The following CARS1 variants were observed in gnomAD, a reference collection of about 807,000 sequenced individuals.
The protein encoded by CARS1 is cysteinyl-tRNA synthetase 1.
Under a neutral mutation model 106.2 loss-of-function variants are expected in CARS1, and 48 were observed. That is an observed-to-expected ratio of 0.45 (90% CI 0.36 to 0.57). CARS1 has a LOEUF of 0.57. Ranked by LOEUF, CARS1 falls within the 20% of genes least tolerant of loss-of-function variation. The pLI, the probability that CARS1 is intolerant of heterozygous loss-of-function variation, is 0.00. For missense variants in CARS1, 968 were observed against 1,057.2 expected, an observed-to-expected ratio of 0.92 and a Z score of 1.17; for synonymous variants, 409 against 403.4, an observed-to-expected ratio of 1.01 and a Z score of -0.17.
Position 3,029,332 on chromosome 11 carries a change from C to A in CARS1, c.913G>T (p.Asp305Tyr). ...AGAGCTTCCATGTCTCTGTGGAAGT[C>A]CCCCTCCCAGAACTTGGGCAGCTTG... ...FSKLPKFWEG[D>Y]FHRDMEALNV... Residue 305 changes from aspartate to tyrosine, a missense_variant, in exon 8 of 23, where the codon GAC (aspartate) becomes TAC (tyrosine). Physicochemically the swap from Asp to Tyr is radical, Grantham distance 160. Coordinates refer to ENST00000380525, the MANE Select transcript of CARS1 (RefSeq NM_001014437.3). This position sits in a 1 kb window ranked among gnomAD's most constrained non-coding sequence, Gnocchi z 5.9. 1 of 1,613,980 alleles carries A rather than the reference C, an allele frequency of 6.2e-7. No homozygotes were observed. The highest frequency in any genetic ancestry group is 2.2e-5 in the East Asian group (1 of 44,886).
intron 2 of CARS1, among the ~76,000 whole-genome samples, chr11:3,047,231 C>G (rs1166932229): frequency 6.8e-6 from 1 of 146,640 alleles, no homozygotes; most frequent in African/African-American, 2.6e-5. Context: ...GAGTGGAGAT[C>G]GCACCACTGC....
Position 3,020,096 on chromosome 11 carries a change from C to T in CARS1, c.1266+124G>A, listed in dbSNP as rs1206930057. 1.2e-5 allele frequency: 8 copies of T among 693,008 alleles called. No individual in the cohort carries two copies. The highest frequency in any genetic ancestry group is 1.8e-5 in the Non-Finnish European group (7 of 384,896). The allele number at this position is 693,008 out of a possible 1,614,324, so 42.9% of individuals were successfully genotyped here. On this transcript the variant is annotated intron_variant, in intron 11 of 22. Transcript: ENST00000380525. The surrounding 1 kb of genome is among the most constrained non-coding windows in gnomAD (Gnocchi z 4.6). Reference sequence around the variant, plus strand: ...GGCCAGGCAGCCTGTGCTGCACCAGCACCAGGCTCTGGCCCAGTGACAACA... The same window carrying T: ...GGCCAGGCAGCCTGTGCTGCACCAGTACCAGGCTCTGGCCCAGTGACAACA...
Position 3,028,141 on chromosome 11 carries a change from T to G in CARS1, c.1031+855A>C. 3.3e-6 allele frequency: 1 copy of G among 306,392 alleles called. No homozygotes were observed. Among genetic ancestry groups the G allele is most frequent in the Non-Finnish European group, 6.4e-6 (1 of 156,566 alleles). The allele number at this position is 306,392 out of a possible 1,614,324, so 19.0% of individuals were successfully genotyped here. The stretch of plus-strand genomic sequence containing the variant: ...ATGGCGTAAGCTGCCTCTCTCTGTC[T>G]CCTCTCTCTCTCTGCCTTGGCTGCC... On this transcript the variant is annotated intron_variant, in intron 9 of 22. Coordinates refer to ENST00000380525, the MANE Select transcript of CARS1 (RefSeq NM_001014437.3). This position sits in a 1 kb window ranked among gnomAD's most constrained non-coding sequence, Gnocchi z 4.4.
rs1851605680 is a variant in CARS1 at position 3,021,937 on chromosome 11, A to G, written c.1154-1605T>C. 6.6e-6 allele frequency among the ~76,000 whole-genome samples: 1 copy of G among 152,228 alleles called. No individual in the cohort carries two copies. The highest frequency in any genetic ancestry group is 6.5e-5 in the Admixed American group (1 of 15,290). On this transcript the variant is annotated intron_variant, in intron 10 of 22. Coordinates refer to ENST00000380525, the MANE Select transcript of CARS1 (RefSeq NM_001014437.3). This position sits in a 1 kb window ranked among gnomAD's most constrained non-coding sequence, Gnocchi z 5.3. ...TTTCATTATTATGAACTTACTCATG[A>G]AAGTTTATATCTGATTTTTTAAAAA...
Position 3,017,561 on chromosome 11 carries a change from C to G in CARS1, c.1728-266G>C. On this transcript the variant is annotated intron_variant, in intron 15 of 22. Coordinates refer to ENST00000380525, the MANE Select transcript of CARS1 (RefSeq NM_001014437.3). This position sits in a 1 kb window ranked among gnomAD's most constrained non-coding sequence, Gnocchi z 4.9. ...GGGAGGCTGAGGCAGGAGAATCGCT[C>G]GAACCCGGGAGGTGGAGGTTGTGGT... 1 of 551,008 alleles carries G rather than the reference C, an allele frequency of 1.8e-6. No individual in the cohort carries two copies. The highest frequency in any genetic ancestry group is 3.2e-6 in the Non-Finnish European group (1 of 310,608). 34.1% of individuals were successfully genotyped at this position (551,008 alleles called of 1,614,324 possible).
rs1022505071 is a variant in CARS1, at chr11:3,044,104, C to A, written c.275-1848G>T. 1.3e-5 allele frequency among the ~76,000 whole-genome samples: 2 copies of A among 152,306 alleles called. No homozygotes were observed. The highest frequency in any genetic ancestry group is 1.9e-4 in the East Asian group (1 of 5,172). On this transcript the variant is annotated intron_variant, in intron 2 of 22. Transcript: ENST00000380525. The surrounding 1 kb of genome is among the most constrained non-coding windows in gnomAD (Gnocchi z 4.4). ...AGGATCCCATCACTCTCCTCCCTCA[C>A]AAAGACCCTGGAGCTCCTTCAATAG...
At position 3,048,137 on chromosome 11, in the gene CARS1, G is replaced by T. The variant is rs770311785; in HGVS notation, c.26-136C>A. ...CCCTTCCCTGGACGCCAAACATCCA[G>T]AACAGGCAAAGGCACAGGGGCAGCG... is the stretch of plus-strand genomic sequence containing the variant. On this transcript the variant is annotated intron_variant, in intron 1 of 22. Coordinates refer to ENST00000380525, the MANE Select transcript of CARS1 (RefSeq NM_001014437.3). The surrounding 1 kb of genome is among the most constrained non-coding windows in gnomAD (Gnocchi z 5.1). The T allele has an allele frequency of 9.1e-7, 1 of 1,102,078 alleles. No homozygotes were observed. Among genetic ancestry groups the T allele is most frequent in the Non-Finnish European group, 1.3e-6 (1 of 788,132 alleles). The allele number at this position is 1,102,078 out of a possible 1,614,324, so 68.3% of individuals were successfully genotyped here.
intron 18 of CARS1, 110 bp downstream of exon 18, chr11:3,012,085 C>A: frequency 9.8e-7 from 1 of 1,021,980 alleles, no homozygotes; most frequent in South Asian, 1.3e-5. Context: ...GGGCAGCCTT[C>A]CCAGAGGATG....
rs538977649 is a variant in CARS1, at chr11:3,029,446, G to A, written c.802-3C>T. On this transcript the variant is annotated splice_polypyrimidine_tract_variant and splice_region_variant and intron_variant, in intron 7 of 22. Transcript: ENST00000380525. The surrounding 1 kb of genome is among the most constrained non-coding windows in gnomAD (Gnocchi z 5.9). ...TCCTTGGCTTCTTCCAGCAACACCT[G>A]AAGAGAAAGAAACAAAAATCCAGCA... 7 of 1,613,256 alleles carry A rather than the reference G, an allele frequency of 4.3e-6. No homozygotes were observed. The East Asian group carries it at 6.7e-5, about 15-fold the overall frequency.
chr11:3,023,448 G>A (rs924880335), intron 10 of CARS1, among the ~76,000 whole-genome samples: 1 of 152,186 alleles, frequency 6.6e-6, no homozygotes, highest in Non-Finnish European at 1.5e-5. Context: ...AGGCTGGAGT[G>A]CAACGGTGTA....
rs749442562 is a variant in CARS1, at chr11:3,029,342, G to A, written c.903C>T (p.Phe301=). 6.2e-7 allele frequency: 1 copy of A among 1,614,034 alleles called. No individual in the cohort carries two copies. Among genetic ancestry groups the A allele is most frequent in the East Asian group, 2.2e-5 (1 of 44,876 alleles). Residue 301 remains phenylalanine (F), a synonymous_variant, in exon 8 of 23, where the codon TTC becomes TTT. Coordinates refer to ENST00000380525, the MANE Select transcript of CARS1 (RefSeq NM_001014437.3). The surrounding 1 kb of genome is among the most constrained non-coding windows in gnomAD (Gnocchi z 5.9). The part of the protein sequence containing the change: ...DNSIFSKLPK[F]WEGDFHRDME... ...TGTCTCTGTGGAAGTCCCCCTCCCA[G>A]AACTTGGGCAGCTTGGAGAAGATGG...
Position 3,028,357 on chromosome 11 carries a change from C to A in CARS1, c.1031+639G>T. On this transcript the variant is annotated intron_variant, in intron 9 of 22. Transcript: ENST00000380525. The surrounding 1 kb of genome is among the most constrained non-coding windows in gnomAD (Gnocchi z 4.4). ...GGTCCCCCGGGCCCAGCTGTCTTCT[C>A]TTTTATCTCTTTGTCTTGTGTCTTT... 1 of 445,034 alleles carries A rather than the reference C, an allele frequency of 2.2e-6. No individual in the cohort carries two copies. The highest frequency in any genetic ancestry group is 2.5e-5 in the South Asian group (1 of 39,680). The allele number at this position is 445,034 out of a possible 1,614,324, so 27.6% of individuals were successfully genotyped here.
In CARS1 at chr11:3,004,936, T is replaced by A. The variant is rs1248452244; in HGVS notation, c.2217+430A>T. On this transcript the variant is annotated intron_variant, in intron 20 of 22. Coordinates refer to ENST00000380525, the MANE Select transcript of CARS1 (RefSeq NM_001014437.3). The surrounding 1 kb of genome is among the most constrained non-coding windows in gnomAD (Gnocchi z 5.2). ...GCCTGACCAACATGGTGAAACCCCATCTCTACTAAAAAAATACAAAAATTA... is the reference window on the plus strand; with the variant it reads ...GCCTGACCAACATGGTGAAACCCCAACTCTACTAAAAAAATACAAAAATTA... Among the ~76,000 whole-genome samples, 1 of 151,912 alleles carries A rather than the reference T, an allele frequency of 6.6e-6. No homozygotes were observed. The highest frequency in any genetic ancestry group is 1.5e-5 in the Non-Finnish European group (1 of 67,968).
chr11:3,019,085 G>T lies in CARS1; in HGVS notation c.1395+54C>A. On this transcript the variant is annotated intron_variant, in intron 12 of 22. Coordinates refer to ENST00000380525, the MANE Select transcript of CARS1 (RefSeq NM_001014437.3). This position sits in a 1 kb window ranked among gnomAD's most constrained non-coding sequence, Gnocchi z 6.2. ...GGCCTGGGCTGACTTTTCCTCCACTGCAGTATGAACACTGTGCTCTTGCAC... is the reference window on the plus strand; with the variant it reads ...GGCCTGGGCTGACTTTTCCTCCACTTCAGTATGAACACTGTGCTCTTGCAC... 6.7e-7 allele frequency: 1 copy of T among 1,491,928 alleles called. No homozygotes were observed. The highest frequency in any genetic ancestry group is 8.9e-7 in the Non-Finnish European group (1 of 1,120,936). The allele number at this position is 1,491,928 out of a possible 1,614,324, so 92.4% of individuals were successfully genotyped here.
Position 3,047,933 on chromosome 11 carries a change from G to C in CARS1, c.94C>G (p.Leu32Val). 6.2e-7 allele frequency: 1 copy of C among 1,614,148 alleles called. No individual in the cohort carries two copies. The highest frequency in any genetic ancestry group is 8.5e-7 in the Non-Finnish European group (1 of 1,180,026). ...AARAQALNEH[L>V]STRSYVQGYS... Reference sequence around the variant, plus strand: ...CCCTGGACATAGCTACGCGTGCTGAGGTGCTCGTTCAGGGCTTGTGCCCTG... The same window carrying C: ...CCCTGGACATAGCTACGCGTGCTGACGTGCTCGTTCAGGGCTTGTGCCCTG... Residue 32 changes from leucine (L) to valine (V), a missense_variant, in exon 2 of 23, where the codon CTC (leucine) becomes GTC (valine). Coordinates refer to ENST00000380525, the MANE Select transcript of CARS1 (RefSeq NM_001014437.3).
intron 10 of CARS1, among the ~76,000 whole-genome samples, chr11:3,024,237 C>T (rs1851838064): frequency 6.6e-6 from 1 of 152,122 alleles, no homozygotes; most frequent in Non-Finnish European, 1.5e-5. Context: ...CATTTAAAAA[C>T]ATCAGTTTCC....
chr11:3,001,136 G>T lies in CARS1; in HGVS notation c.2474C>A (p.Ala825Asp). ...EKLYKEYLQM[A>D]QNGSFQ Reference sequence around the variant, plus strand: ...CCCTCACTGGAAGCTTCCATTCTGGGCCATCTGCAGATATTCCTTGTAGAG... The same window carrying T: ...CCCTCACTGGAAGCTTCCATTCTGGTCCATCTGCAGATATTCCTTGTAGAG... Residue 825 changes from alanine to aspartate, a missense_variant, in exon 23 of 23, where the codon GCC (alanine) becomes GAC (aspartate). Coordinates refer to ENST00000380525, the MANE Select transcript of CARS1 (RefSeq NM_001014437.3). The T allele has an allele frequency of 3.1e-6, 5 of 1,613,966 alleles. No individual in the cohort carries two copies. Among genetic ancestry groups the T allele is most frequent in the Non-Finnish European group, 4.2e-6 (5 of 1,180,006 alleles).
rs980260415 is a variant in CARS1 at position 3,021,788 on chromosome 11, T to G, written c.1154-1456A>C. Among the ~76,000 whole-genome samples the G allele has an allele frequency of 2.6e-5, 4 of 152,228 alleles. No individual in the cohort carries two copies. The East Asian group carries it at 7.7e-4, about 29-fold the overall frequency. On this transcript the variant is annotated intron_variant, in intron 10 of 22. Transcript: ENST00000380525. This position sits in a 1 kb window ranked among gnomAD's most constrained non-coding sequence, Gnocchi z 5.3. The stretch of plus-strand genomic sequence containing the variant: ...CCACCAACACGGAAGGCCGCTGTCC[T>G]GGCTTCCTTCTACCTCCGCACTGTT...
intron 18 of CARS1, 82 bp from the exon 19 acceptor site, chr11:3,007,041 G>A: frequency 1.8e-6 from 2 of 1,120,406 alleles, no homozygotes; most frequent in Non-Finnish European, 2.7e-6. Flanking sequence ...TGCTGGGGAA[G>A]GAGGGGCCGT....
Sources: allele counts gnomAD v4.1 joint callset (sites outside exome capture counted in the v4.1 genomes callset), GRCh38; gene constraint gnomAD v4.1.1; non-coding constraint Gnocchi (gnomAD v3.1); transcripts MANE v1.5; gene names NCBI Gene and HGNC (gene_info 2026-07-23, HGNC 2026-07-21).